Variants in FKBP1B observed in about 807,000 individuals in gnomAD.
FKBP1B encodes the protein FKBP prolyl isomerase 1B.
Under a neutral mutation model 13.5 loss-of-function variants are expected in FKBP1B, and 4 were observed. The ratio of observed to expected loss-of-function variants is 0.30; its 90% CI spans 0.15 to 0.68. The LOEUF (loss-of-function observed/expected upper bound fraction) is 0.68, where lower values mean the gene tolerates loss of function less well. Ranked by LOEUF, FKBP1B falls within the 30% of genes least tolerant of loss-of-function variation. The pLI, the probability that FKBP1B is intolerant of heterozygous loss-of-function variation, is 0.76. For synonymous variants in FKBP1B, 54 were observed against 53.6 expected, an observed-to-expected ratio of 1.01 and a Z score of -0.03; for missense variants, 93 against 136.2, an observed-to-expected ratio of 0.68 and a Z score of 1.58.
At chr2:24,044,536 G>A in the FKBP1B span, among the ~76,000 whole-genome samples, 5 of 152,124 alleles carry the variant, frequency 3.3e-5, no homozygotes, top group African/African-American at 1.2e-4. Flanking sequence ...CAAAGTGCTA[G>A]GATTACAGGC....
rs2150959810 is a variant in FKBP1B at position 24,050,490 on chromosome 2, T to C, written c.37+604T>C. On this transcript the variant is annotated intron_variant, in intron 1 of 3. Transcript: ENST00000380986. This position sits in a 1 kb window ranked among gnomAD's most constrained non-coding sequence, Gnocchi z 5.8. ...CTGTCCACTCCCATGGCCTCCACAT[T>C]GAAGCTTCTAAGCCCAGCCCTGCGA... Among the ~76,000 whole-genome samples the C allele has an allele frequency of 6.6e-6, 1 of 152,174 alleles. No individual in the cohort carries two copies. The highest frequency in any genetic ancestry group is 6.5e-5 in the Admixed American group (1 of 15,282).
At chr2:24,040,530 A>G in the FKBP1B span, among the ~76,000 whole-genome samples, 12 of 152,240 alleles carry the variant, frequency 7.9e-5, no homozygotes, top group African/African-American at 2.4e-4. Flanking sequence ...ACACTCAAAA[A>G]TCACTGTTTC....
chr2:24,034,078 G>A, the FKBP1B span, among the ~76,000 whole-genome samples: 1 of 152,150 alleles, frequency 6.6e-6, no homozygotes, highest in African/African-American at 2.4e-5. Context: ...TGATTATTGT[G>A]TAACTTTTAC....
chr2:24,035,360 C>A, the FKBP1B span, among the ~76,000 whole-genome samples: 1 of 151,834 alleles, frequency 6.6e-6, no homozygotes, highest in African/African-American at 2.4e-5. Flanking sequence ...TAACTAAAGT[C>A]TGCTAGTATC....
the FKBP1B span, among the ~76,000 whole-genome samples, chr2:24,036,534 T>A: frequency 6.6e-6 from 1 of 152,202 alleles, no homozygotes; most frequent in Admixed American, 6.5e-5. Flanking sequence ...GTAACTCAAT[T>A]AAAAGTAGAA....
chr2:24,039,413 A>G, the FKBP1B span: 2 of 1,614,268 alleles, frequency 1.2e-6, no homozygotes, highest in Non-Finnish European at 1.7e-6. Flanking sequence ...CCATCGGTCC[A>G]GGCAAGGCCA....
At chr2:24,038,747 C>T in the FKBP1B span, 1 of 1,614,154 alleles carries the variant, frequency 6.2e-7, no homozygotes. Flanking sequence ...ACTGGTAAAG[C>T]ATACGGAGTC....
chr2:24,042,169 A>C, the FKBP1B span, among the ~76,000 whole-genome samples: 163 of 152,280 alleles, frequency 1.1e-3, no homozygotes, highest in Non-Finnish European at 1.7e-3. Flanking sequence ...TGGGAGCCCG[A>C]GAAGGGCAGA....
chr2:24,046,778 T>C (rs1663639778), upstream of FKBP1B, among the ~76,000 whole-genome samples: 1 of 152,252 alleles, frequency 6.6e-6, no homozygotes, highest in African/African-American at 2.4e-5. Context: ...AAGAAAATTA[T>C]GACTAATCCC....
At chr2:24,052,496 C>T (rs1663925921) in intron 1 of FKBP1B, among the ~76,000 whole-genome samples, 1 of 152,154 alleles carries the variant, frequency 6.6e-6, no homozygotes, top group Admixed American at 6.6e-5. Context: ...TTTGCTCATC[C>T]TTCAAGTCCC....
the FKBP1B span, chr2:24,039,279 A>G: frequency 6.2e-7 from 1 of 1,614,228 alleles, no homozygotes; most frequent in Non-Finnish European, 8.5e-7. Flanking sequence ...GAACAGGTGT[A>G]TCATCTGCAA....
At chr2:24,060,396 AC>A (rs1468809267) in intron 2 of FKBP1B, among the ~76,000 whole-genome samples, 1 of 152,126 alleles carries the variant, frequency 6.6e-6, no homozygotes, top group African/African-American at 2.4e-5. Context: ...TACTAAAAAT[AC>A]AAAAATCAGC....
At chr2:24,038,632 A>G in the FKBP1B span, 2 of 1,614,222 alleles carry the variant, frequency 1.2e-6, no homozygotes, top group Non-Finnish European at 1.7e-6. Flanking sequence ...ATTGAAATGT[A>G]TGTGAGTTAG....
chr2:24,037,474 G>T, the FKBP1B span, among the ~76,000 whole-genome samples: 1 of 152,182 alleles, frequency 6.6e-6, no homozygotes, highest in African/African-American at 2.4e-5. Flanking sequence ...AAATCATGAT[G>T]CAGACTGATA....
In FKBP1B at chr2:24,060,997, C is replaced by T. The variant is rs1664365495; in HGVS notation, c.198+71C>T. 13 of 1,128,888 alleles carry T rather than the reference C, an allele frequency of 1.2e-5. No homozygotes were observed. In the East Asian group the frequency reaches 1.2e-4, roughly 11 times the overall value. 69.9% of individuals were successfully genotyped at this position (1,128,888 alleles called of 1,614,324 possible). A position where few individuals can be genotyped will look rare whatever the true frequency, so the allele number is the denominator to read the frequency against. On this transcript the variant is annotated intron_variant, in intron 3 of 3. Transcript: ENST00000380986. ...CTGGGATCAGCACTCTGCCCTCCAC[C>T]TCCACCTTCACCCACTCACAGACCA... is the stretch of plus-strand genomic sequence containing the variant.
the FKBP1B span, chr2:24,038,104 A>G: frequency 6.2e-7 from 1 of 1,614,220 alleles, no homozygotes; most frequent in East Asian, 2.2e-5. Context: ...AAGACTTTCA[A>G]TTAACTTTTT....
At position 24,049,817 on chromosome 2, in the gene FKBP1B, G is replaced by A; in HGVS notation, c.-33G>A. The A allele has an allele frequency of 7.4e-7, 1 of 1,342,764 alleles. No homozygotes were observed. Among genetic ancestry groups the A allele is most frequent in the Admixed American group, 3.5e-5 (1 of 28,352 alleles). 83.2% of individuals were successfully genotyped at this position (1,342,764 alleles called of 1,614,324 possible). A position where few individuals can be genotyped will look rare whatever the true frequency, so the allele number is the denominator to read the frequency against. On this transcript the variant is annotated 5_prime_UTR_variant, in exon 1 of 4. Transcript: ENST00000380986. Reference sequence around the variant, plus strand: ...CCGAGCCGGGGTCGGGCAGCAGCAGGGACCCCCCAGAGGCGGGGCCTGTGG... The same window carrying A: ...CCGAGCCGGGGTCGGGCAGCAGCAGAGACCCCCCAGAGGCGGGGCCTGTGG...
intron 3 of FKBP1B, 188 bp from the exon 4 acceptor site, chr2:24,062,876 C>A: frequency 1.2e-6 from 1 of 807,498 alleles, no homozygotes; most frequent in Non-Finnish European, 2.0e-6. Flanking sequence ...CACATCTCTG[C>A]TGAGGCAGAA....
At chr2:24,054,624 C>T (rs937481251) in intron 2 of FKBP1B, 6 of 168,410 alleles carry the variant, frequency 3.6e-5, no homozygotes, top group Non-Finnish European at 8.8e-5. Flanking sequence ...CAGGTTAATT[C>T]CTAGGACATA....
Sources: gnomAD v4.1 joint callset for allele counts (sites outside exome capture counted in the v4.1 genomes callset) on GRCh38, gnomAD v4.1.1 for gene constraint, Gnocchi (gnomAD v3.1) non-coding constraint, MANE v1.5 for transcripts, NCBI Gene and HGNC (gene_info 2026-07-23, HGNC 2026-07-21) for gene names.